The following TERT variants were observed in gnomAD, a reference collection of about 807,000 sequenced individuals.
TERT encodes the protein telomerase reverse transcriptase, also known as telomerase catalytic subunit.
In TERT, 42 loss-of-function variants were observed where a neutral mutation model predicts 104.0. The observed-to-expected ratio is 0.40, with a 90% CI of 0.32 to 0.52. TERT has a LOEUF of 0.52. Among genes scored for constraint, TERT ranks in the 20% least tolerant of loss-of-function variants. The pLI, the probability that TERT is intolerant of heterozygous loss-of-function variation, is 0.43. For missense variants in TERT, 1,101 were observed against 1,610.3 expected (o/e 0.68, Z 5.41); for synonymous variants, 781 against 725.6 (o/e 1.08, Z -1.23).
rs1319331141 is a variant in TERT at position 1,288,359 on chromosome 5, G to A, written c.1573+4954C>T. 6.6e-6 allele frequency among the ~76,000 whole-genome samples: 1 copy of A among 152,168 alleles called. No individual in the cohort carries two copies. Among genetic ancestry groups the A allele is most frequent in the African/African-American group, 2.4e-5 (1 of 41,438 alleles). On this transcript the variant is annotated intron_variant, in intron 2 of 15. Transcript: ENST00000310581. This position sits in a 1 kb window ranked among gnomAD's most constrained non-coding sequence, Gnocchi z 5.3. ...AATAAACCAAGAAAAAGCATACAAT[G>A]GAGAGATAGAAACGTCAGAGGTAAA...
In TERT at chr5:1,294,763, A is replaced by T; in HGVS notation, c.219+8T>A. Reference sequence around the variant, plus strand: ...CCCCAGCCGGACGCCGACCCCGGGGAGGCCCACCTGGCGGAAGGAGGGGGC... The same window carrying T: ...CCCCAGCCGGACGCCGACCCCGGGGTGGCCCACCTGGCGGAAGGAGGGGGC... On this transcript the variant is annotated splice_region_variant and intron_variant, in intron 1 of 15. Transcript: ENST00000310581. 6.5e-7 allele frequency: 1 copy of T among 1,546,842 alleles called. No homozygotes were observed. Among genetic ancestry groups the T allele is most frequent in the Non-Finnish European group, 8.7e-7 (1 of 1,155,488 alleles).
At chr5:1,260,738 GC>G in intron 11 of TERT, 138 bp from the exon 12 acceptor site, 1 of 1,252,814 alleles carries the variant, frequency 8.0e-7, no homozygotes, top group African/African-American at 1.5e-5. Flanking sequence ...GCCCGAGGGG[GC>G]TGGGTGCTCA....
Position 1,270,867 on chromosome 5 carries a change from A to C in TERT, c.2468+252T>G, listed in dbSNP as rs1748976835. ...GCCCCTCGTCCTCCACGCAGGAGCA[A>C]CTCCACACCCCGCTTGCCATTTCCA... On this transcript the variant is annotated intron_variant, in intron 8 of 15. Transcript: ENST00000310581. This position sits in a 1 kb window ranked among gnomAD's most constrained non-coding sequence, Gnocchi z 8.3. Among the ~76,000 whole-genome samples the C allele has an allele frequency of 6.6e-6, 1 of 151,820 alleles. No homozygotes were observed. The highest frequency in any genetic ancestry group is 6.5e-5 in the Admixed American group (1 of 15,268).
rs992596166 is a variant in TERT, at chr5:1,269,733, C to T, written c.2469-1100G>A. On this transcript the variant is annotated intron_variant, in intron 8 of 15. Coordinates refer to ENST00000310581, the MANE Select transcript of TERT (RefSeq NM_198253.3). This position sits in a 1 kb window ranked among gnomAD's most constrained non-coding sequence, Gnocchi z 9.0. ...CACGCACCAACTCTAGGAGTCCGGC[C>T]AGCCCAGCGAGTCAACGCAAGCAGA... 3.9e-5 allele frequency among the ~76,000 whole-genome samples: 6 copies of T among 152,182 alleles called. No homozygotes were observed. The highest frequency in any genetic ancestry group is 3.9e-4 in the Admixed American group (6 of 15,278).
rs1747472223 is a variant in TERT, at chr5:1,253,449, G to A, written c.*279C>T. 1.8e-6 allele frequency: 1 copy of A among 564,108 alleles called. No homozygotes were observed. Among genetic ancestry groups the A allele is most frequent in the Admixed American group, 3.1e-5 (1 of 32,410 alleles). 34.9% of individuals were successfully genotyped at this position (564,108 alleles called of 1,614,324 possible). A position where few individuals can be genotyped will look rare whatever the true frequency, so the allele number is the denominator to read the frequency against. Reference sequence around the variant, plus strand: ...GAGTGGAAGCCGGGCTCCTGGTGAGGAAAAGCTGGCCCTGGGGTGGAGCCG... The same window carrying A: ...GAGTGGAAGCCGGGCTCCTGGTGAGAAAAAGCTGGCCCTGGGGTGGAGCCG... On this transcript the variant is annotated 3_prime_UTR_variant, in exon 16 of 16. Coordinates refer to ENST00000310581, the MANE Select transcript of TERT (RefSeq NM_198253.3).
In TERT at chr5:1,282,639, A is replaced by G. The variant is rs1750108928; in HGVS notation, c.1574-15T>C. ...ACAGCCAACCCCTTAAACGAGAAGGACATGCCACATCCAGATCACCGAGGG... is the reference window on the plus strand; with the variant it reads ...ACAGCCAACCCCTTAAACGAGAAGGGCATGCCACATCCAGATCACCGAGGG... On this transcript the variant is annotated splice_polypyrimidine_tract_variant and intron_variant, in intron 2 of 15. Transcript: ENST00000310581. The G allele has an allele frequency of 2.5e-6, 4 of 1,613,578 alleles. No individual in the cohort carries two copies. In the East Asian group the frequency reaches 8.9e-5, roughly 36 times the overall value.
chr5:1,259,554 G>GGA (rs1579549655), intron 12 of TERT, among the ~76,000 whole-genome samples: 2 of 130,516 alleles, frequency 1.5e-5, no homozygotes, highest in Admixed American at 7.6e-5. Flanking sequence ...GATGCCCACA[G>GGA]GAGAGGGAGT....
At chr5:1,280,463 A>C (rs1561204106) in intron 3 of TERT, 125 bp from the exon 4 acceptor site, 2 of 1,094,788 alleles carry the variant, frequency 1.8e-6, no homozygotes, top group Non-Finnish European at 2.7e-6. Context: ...GCACACGCTG[A>C]AGGCCATGCC....
At chr5:1,260,360 T>C in intron 12 of TERT, 114 bp downstream of exon 12, 1 of 1,530,378 alleles carries the variant, frequency 6.5e-7, no homozygotes, top group Non-Finnish European at 9.0e-7. Context: ...ATGTGCACTC[T>C]TACGTGCAGC....
Position 1,286,207 on chromosome 5 carries a change from T to C in TERT, c.1574-3583A>G, listed in dbSNP as rs1750474021. Among the ~76,000 whole-genome samples the C allele has an allele frequency of 1.3e-5, 2 of 152,128 alleles. No homozygotes were observed. The highest frequency in any genetic ancestry group is 4.8e-5 in the African/African-American group (2 of 41,444). On this transcript the variant is annotated intron_variant, in intron 2 of 15. Transcript: ENST00000310581. The surrounding 1 kb of genome is among the most constrained non-coding windows in gnomAD (Gnocchi z 5.3). Reference sequence around the variant, plus strand: ...CTCCTCGTGAGTCTCCACATCTTCATCTGTGCATCATAAGCAGAGGTCCCC... The same window carrying C: ...CTCCTCGTGAGTCTCCACATCTTCACCTGTGCATCATAAGCAGAGGTCCCC...
chr5:1,270,997 A>T lies in TERT; in HGVS notation c.2468+122T>A, dbSNP rs1426465876. On this transcript the variant is annotated intron_variant, in intron 8 of 15. Coordinates refer to ENST00000310581, the MANE Select transcript of TERT (RefSeq NM_198253.3). The surrounding 1 kb of genome is among the most constrained non-coding windows in gnomAD (Gnocchi z 8.3). ...GAGCCGGAGGGGGCGGGGGCCAGAAAAGGAGACTCTGGTGGCCCCGGGCAG... is the reference window on the plus strand; with the variant it reads ...GAGCCGGAGGGGGCGGGGGCCAGAATAGGAGACTCTGGTGGCCCCGGGCAG... The T allele has an allele frequency of 8.9e-6, 7 of 789,528 alleles. 1 individual carries two copies. Among genetic ancestry groups the T allele is most frequent in the Non-Finnish European group, 1.3e-5 (6 of 474,284 alleles). The allele number at this position is 789,528 out of a possible 1,614,324, so 48.9% of individuals were successfully genotyped here.
rs1748836997 is a variant in TERT, at chr5:1,269,062, C to G, written c.2469-429G>C. 6.6e-6 allele frequency among the ~76,000 whole-genome samples: 1 copy of G among 151,980 alleles called. No individual in the cohort carries two copies. Among genetic ancestry groups the G allele is most frequent in the Non-Finnish European group, 1.5e-5 (1 of 67,992 alleles). On this transcript the variant is annotated intron_variant, in intron 8 of 15. Transcript: ENST00000310581. The surrounding 1 kb of genome is among the most constrained non-coding windows in gnomAD (Gnocchi z 9.0). ...GCGCGCCAACGGATACAACCTTGCC[C>G]CTAGTTTCAGCATGACCAACGAGAA...
chr5:1,254,511 G>T lies in TERT; in HGVS notation c.3158-6C>A, dbSNP rs1477263719. 5 of 1,609,710 alleles carry T rather than the reference G, an allele frequency of 3.1e-6. No homozygotes were observed. The South Asian group carries it at 3.3e-5, about 11-fold the overall frequency. On this transcript the variant is annotated splice_polypyrimidine_tract_variant and splice_region_variant and intron_variant, in intron 14 of 15. Transcript: ENST00000310581. ...CTTGGCCCCCAGCGACATCCCTGGG[G>T]GAAAACAGAGGCTGAGGAGTCACAG... is the stretch of plus-strand genomic sequence containing the variant.
chr5:1,284,626 G>C (rs1272525333), intron 2 of TERT, among the ~76,000 whole-genome samples: 1 of 134,350 alleles, frequency 7.4e-6, no homozygotes, highest in Non-Finnish European at 1.6e-5. Flanking sequence ...AGGGCCTGGC[G>C]ACCTCACTCC....
At chr5:1,289,992 AGG>A in intron 2 of TERT, among the ~76,000 whole-genome samples, 1 of 29,956 alleles carries the variant, frequency 3.3e-5, no homozygotes. Context: ...TGCACGTGAC[AGG>A]GACACCCGGG....
chr5:1,271,262 G>A, intron 7 of TERT, 58 bp from the exon 8 acceptor site: 1 of 1,297,390 alleles, frequency 7.7e-7, no homozygotes, highest in Non-Finnish European at 1.1e-6. Context: ...AGACAGGCAG[G>A]ACCACGTGGC....
At position 1,257,106 on chromosome 5, in the gene TERT, C is replaced by T. The variant is rs1232380446; in HGVS notation, c.3032+1492G>A. 3.9e-5 allele frequency among the ~76,000 whole-genome samples: 6 copies of T among 152,280 alleles called. No individual in the cohort carries two copies. Among genetic ancestry groups the T allele is most frequent in the South Asian group, 2.1e-4 (1 of 4,826 alleles). On this transcript the variant is annotated intron_variant, in intron 13 of 15. Transcript: ENST00000310581. This position sits in a 1 kb window ranked among gnomAD's most constrained non-coding sequence, Gnocchi z 5.6. Reference sequence around the variant, plus strand: ...AAACGGCCCGTGGCCCATCGCATCTCGGCCTCCTCAGGGCTACCCAATCAA... The same window carrying T: ...AAACGGCCCGTGGCCCATCGCATCTTGGCCTCCTCAGGGCTACCCAATCAA...
chr5:1,253,679 G>T lies in TERT; in HGVS notation c.*49C>A. 1 of 1,513,978 alleles carries T rather than the reference G, an allele frequency of 6.6e-7. No homozygotes were observed. The allele number at this position is 1,513,978 out of a possible 1,614,324, so 93.8% of individuals were successfully genotyped here. On this transcript the variant is annotated 3_prime_UTR_variant, in exon 16 of 16. Coordinates refer to ENST00000310581, the MANE Select transcript of TERT (RefSeq NM_198253.3). ...CTCCCTGGGACGTAGAGCCCGGCGT[G>T]ACAGGGCTGCTGGTGTCTGCTCTCG...
chr5:1,278,163 G>T (rs990713887), intron 6 of TERT, among the ~76,000 whole-genome samples: 21 of 152,312 alleles, frequency 1.4e-4, no homozygotes, highest in African/African-American at 5.1e-4. Flanking sequence ...CAGGACAGGG[G>T]CACCCATGCT....
Sources: gnomAD v4.1 joint callset for allele counts (sites outside exome capture counted in the v4.1 genomes callset) on GRCh38, gnomAD v4.1.1 for gene constraint, Gnocchi (gnomAD v3.1) non-coding constraint, MANE v1.5 for transcripts, NCBI Gene and HGNC (gene_info 2026-07-23, HGNC 2026-07-21) for gene names.